FAM107B: variants seen among roughly 807,000 people sequenced by gnomAD.
FAM107B encodes the protein protein FAM107B.
In FAM107B, 21 loss-of-function variants were observed where a neutral mutation model predicts 31.5. The ratio of observed to expected loss-of-function variants is 0.67; its 90% confidence interval spans 0.47 to 0.96. The LOEUF (loss-of-function observed/expected upper bound fraction) is 0.96, where lower values mean the gene tolerates loss of function less well. Among genes scored for constraint, FAM107B ranks in the 40% least tolerant of loss-of-function variants. The probability of loss-of-function intolerance (pLI) is 0.00; values close to 1 mark genes in which losing one functional copy is unlikely to be tolerated. For missense variants in FAM107B, 452 were observed against 377.1 expected, an observed-to-expected ratio of 1.20 and a Z score of -1.64; for synonymous variants, 157 against 141.5, an observed-to-expected ratio of 1.11 and a Z score of -0.78.
chr10:14,711,981 T>C (rs1855658737), intron 1 of FAM107B, among the ~76,000 whole-genome samples: 1 of 152,214 alleles, frequency 6.6e-6, no homozygotes, highest in Non-Finnish European at 1.5e-5. Context: ...CGCAAGACTT[T>C]AATGAGTGTG....
intron 2 of FAM107B, among the ~76,000 whole-genome samples, chr10:14,651,403 C>A (rs1853894707): frequency 6.6e-6 from 1 of 152,116 alleles, no homozygotes; most frequent in African/African-American, 2.4e-5. Flanking sequence ...GTCGGGAGTT[C>A]GAGGCCAGCC....
intron 2 of FAM107B, among the ~76,000 whole-genome samples, chr10:14,557,373 G>C (rs1229386887): frequency 6.6e-6 from 1 of 152,190 alleles, no homozygotes; most frequent in Admixed American, 6.5e-5. Context: ...ATTGTGCATG[G>C]AGAAAAGATG....
intron 2 of FAM107B, among the ~76,000 whole-genome samples, chr10:14,634,002 G>C (rs558759311): frequency 6.6e-6 from 1 of 152,106 alleles, no homozygotes; most frequent in Admixed American, 6.5e-5. Context: ...TTTCATGCAG[G>C]CTTTTCCATA....
At chr10:14,763,471 G>A (rs1240903058) in intron 1 of FAM107B, among the ~76,000 whole-genome samples, 2 of 152,144 alleles carry the variant, frequency 1.3e-5, no homozygotes, top group Non-Finnish European at 2.9e-5. Context: ...AATTGTTAGA[G>A]GCTACCAATA....
chr10:14,579,109 G>T (rs1851554668), intron 2 of FAM107B, among the ~76,000 whole-genome samples: 2 of 152,222 alleles, frequency 1.3e-5, no homozygotes, highest in East Asian at 1.9e-4. Flanking sequence ...TGAAGCACTC[G>T]GCTCAAGTCC....
At chr10:14,760,718 TG>T (rs1297503395) in intron 1 of FAM107B, among the ~76,000 whole-genome samples, 1 of 152,176 alleles carries the variant, frequency 6.6e-6, no homozygotes, top group Non-Finnish European at 1.5e-5. Flanking sequence ...GATGTAATCT[TG>T]CACTTAATGG....
intron 2 of FAM107B, among the ~76,000 whole-genome samples, chr10:14,604,821 TTC>T (rs1215056702): frequency 6.6e-6 from 1 of 151,868 alleles, no homozygotes; most frequent in Non-Finnish European, 1.5e-5. Context: ...CTTAATCTCT[TTC>T]TCTCTCATTG....
chr10:14,579,130 T>C (rs2131299076), intron 2 of FAM107B, among the ~76,000 whole-genome samples: 1 of 152,346 alleles, frequency 6.6e-6, no homozygotes, highest in East Asian at 1.9e-4. Flanking sequence ...ATAAATTGAT[T>C]TTCTAAGATG....
At position 14,667,650 on chromosome 10, in the gene FAM107B, C is replaced by T. The variant is rs1225908492; in HGVS notation, c.453G>A (p.Glu151=). The T allele has an allele frequency of 1.8e-5, 29 of 1,614,068 alleles. No individual in the cohort carries two copies. The highest frequency in any genetic ancestry group is 2.4e-5 in the Non-Finnish European group (28 of 1,180,022). Residue 151 remains glutamate, a synonymous_variant, in exon 2 of 5, where the codon GAG becomes GAA. Coordinates refer to ENST00000181796, the MANE Select transcript of FAM107B (RefSeq NM_031453.4). ...FREEPKCLEL[E]QKMTSDSPPE... ...GTACTCTACCTGATGTCATTTTCTG[C>T]TCCAGCTCGAGGCATTTAGGTTCTT...
chr10:14,548,633 G>C (rs780041243), intron 2 of FAM107B: 27 of 985,352 alleles, frequency 2.7e-5, no homozygotes, highest in Non-Finnish European at 3.3e-5. Flanking sequence ...GCTCTCTCCA[G>C]CTGCGAAGGC....
chr10:14,666,292 T>C (rs991644921), intron 2 of FAM107B, among the ~76,000 whole-genome samples: 1 of 152,110 alleles, frequency 6.6e-6, no homozygotes, highest in Non-Finnish European at 1.5e-5. Context: ...CTCGGGAAAC[T>C]TACAATCATG....
rs369367821 is a variant in FAM107B at position 14,596,002 on chromosome 10, T to C, written c.470-65487A>G. The stretch of plus-strand genomic sequence containing the variant: ...TGCTCAGAACTCTCCTGTGGCTTCC[T>C]CATGAGCCACGTCCTCACCGTGGCC... On this transcript the variant is annotated intron_variant, in intron 2 of 4. Coordinates refer to ENST00000181796, the MANE Select transcript of FAM107B (RefSeq NM_031453.4). 1.9e-4 allele frequency among the ~76,000 whole-genome samples: 29 copies of C among 152,286 alleles called. No individual in the cohort carries two copies. The East Asian group carries it at 2.7e-3, about 14-fold the overall frequency.
At chr10:14,737,757 G>A (rs149502680) in intron 1 of FAM107B, among the ~76,000 whole-genome samples, 1,992 of 118,094 alleles carry the variant, frequency 0.017, 26 homozygotes, top group Admixed American at 0.04. Context: ...AGTGCTGTGC[G>A]TGCACGCTTT....
At chr10:14,634,322 C>T (rs1392082222) in intron 2 of FAM107B, among the ~76,000 whole-genome samples, 1 of 151,486 alleles carries the variant, frequency 6.6e-6, no homozygotes, top group African/African-American at 2.4e-5. Context: ...ATCGCTTAAA[C>T]CCAGGAGGCT....
At chr10:14,540,940 T>C (rs539346888) in intron 2 of FAM107B, among the ~76,000 whole-genome samples, 8 of 152,142 alleles carry the variant, frequency 5.3e-5, no homozygotes, top group Non-Finnish European at 1.2e-4. Flanking sequence ...CCAGGCGAAT[T>C]TGAGTTTGAG....
intron 2 of FAM107B, among the ~76,000 whole-genome samples, chr10:14,564,045 T>C (rs1168009072): frequency 1.3e-5 from 2 of 152,226 alleles, no homozygotes; most frequent in Non-Finnish European, 2.9e-5. Flanking sequence ...TTGTTTGTTA[T>C]TTTTGAGTGA....
chr10:14,604,178 G>T, intron 2 of FAM107B: 4 of 963,964 alleles, frequency 4.1e-6, no homozygotes, highest in Non-Finnish European at 4.9e-6. Flanking sequence ...GGGCAGGGCC[G>T]CCGCCCGCCT....
intron 2 of FAM107B, among the ~76,000 whole-genome samples, chr10:14,570,390 T>C (rs1851115298): frequency 6.6e-6 from 1 of 152,136 alleles, no homozygotes; most frequent in African/African-American, 2.4e-5. Context: ...TGAGAATGAC[T>C]GCCCAAGAGG....
chr10:14,770,975 T>TAAA (rs56378196), intron 1 of FAM107B, among the ~76,000 whole-genome samples: 53 of 58,950 alleles, frequency 9.0e-4, no homozygotes, highest in African/African-American at 1.8e-3. Context: ...GAGGCTGAAC[T>TAAA]AAAAAAAAAA....
Sources: allele counts gnomAD v4.1 joint callset (sites outside exome capture counted in the v4.1 genomes callset), GRCh38; gene constraint gnomAD v4.1.1; transcripts MANE v1.5; gene names NCBI Gene and HGNC (gene_info 2026-07-23, HGNC 2026-07-21).